CREBBP: variants seen among roughly 807,000 people sequenced by gnomAD.
The protein encoded by CREBBP is CREB-binding protein.
A neutral mutation model predicts 265.0 loss-of-function variants in CREBBP; 19 were observed. The observed-to-expected ratio is 0.07, with a 90% CI of 0.05 to 0.11. CREBBP has a LOEUF of 0.11. CREBBP is among the 10% of genes least tolerant of loss of function. CREBBP has a pLI of 1.00. For missense variants in CREBBP, 2,525 were observed against 3,219.0 expected (o/e 0.78, Z 5.22); for synonymous variants, 1,457 against 1,223.7 (o/e 1.19, Z -3.98).
chr16:3,769,365 C>T lies in CREBBP; in HGVS notation c.2881-12G>A, dbSNP rs2052942765. ...GCTGCCTGGGAAAGCTGTGAAAAAA[C>T]CGAAAGCACTGACTTCAGTAAGCAA... On this transcript the variant is annotated splice_polypyrimidine_tract_variant and intron_variant, in intron 14 of 30. Coordinates refer to ENST00000262367, the MANE Select transcript of CREBBP (RefSeq NM_004380.3). 1 of 1,614,144 alleles carries T rather than the reference C, an allele frequency of 6.2e-7. No homozygotes were observed. The highest frequency in any genetic ancestry group is 8.5e-7 in the Non-Finnish European group (1 of 1,180,024).
At chr16:3,740,843 A>C in intron 23 of CREBBP, 1 of 434,580 alleles carries the variant, frequency 2.3e-6, no homozygotes, top group Non-Finnish European at 4.3e-6. Context: ...CAAAATTGAC[A>C]GGGGCTCTAG....
chr16:3,825,265 T>C (rs1416708607), intron 2 of CREBBP, among the ~76,000 whole-genome samples: 2 of 152,194 alleles, frequency 1.3e-5, no homozygotes, highest in African/African-American at 4.8e-5. Flanking sequence ...TAGAAAAACA[T>C]GAAATGAATA....
chr16:3,777,819 G>C (rs901771930), intron 10 of CREBBP, 162 bp from the exon 11 acceptor site: 2 of 1,074,590 alleles, frequency 1.9e-6, no homozygotes, highest in African/African-American at 3.1e-5. Flanking sequence ...ACCCTGTAAA[G>C]GGCCTTCCCA....
At chr16:3,866,075 A>T (rs1393590346) in intron 1 of CREBBP, among the ~76,000 whole-genome samples, 1 of 152,250 alleles carries the variant, frequency 6.6e-6, no homozygotes, top group Non-Finnish European at 1.5e-5. Context: ...TGAGGATAAA[A>T]TGTGAAATGG....
At chr16:3,795,118 T>C (rs1216695934) in intron 3 of CREBBP, among the ~76,000 whole-genome samples, 1 of 152,200 alleles carries the variant, frequency 6.6e-6, no homozygotes, top group Non-Finnish European at 1.5e-5. Flanking sequence ...AGCAAAACTC[T>C]TGGAAGTCTG....
chr16:3,849,433 GTGTGTGTGTGTGTGTGTGTGTGTGT>G (rs2054755571), intron 2 of CREBBP, among the ~76,000 whole-genome samples: 8 of 14,332 alleles, frequency 5.6e-4, no homozygotes, highest in East Asian at 7.9e-3. Context: ...GTGTGTGTGT[GTGTGTGTGTGTGTGTGTGTGTGTGT>G]GTGTGTGTGT....
intron 2 of CREBBP, among the ~76,000 whole-genome samples, chr16:3,823,832 T>C (rs376964289): frequency 1.5e-4 from 23 of 152,258 alleles, no homozygotes; most frequent in African/African-American, 5.3e-4. Context: ...AGACAGTTCC[T>C]ATCGAGCAGC....
At chr16:3,815,649 G>T (rs1458636492) in intron 2 of CREBBP, among the ~76,000 whole-genome samples, 1 of 147,278 alleles carries the variant, frequency 6.8e-6, no homozygotes, top group African/African-American at 2.5e-5. Context: ...CTTTTAAAAA[G>T]TTTTTTCATT....
intron 13 of CREBBP, among the ~76,000 whole-genome samples, chr16:3,773,041 G>C (rs577901227): frequency 6.6e-6 from 1 of 151,650 alleles, no homozygotes; most frequent in Non-Finnish European, 1.5e-5. Context: ...AGCCGAGATT[G>C]TACCACTGCA....
intron 16 of CREBBP, among the ~76,000 whole-genome samples, chr16:3,764,885 A>G (rs565529514): frequency 2.6e-5 from 4 of 152,336 alleles, no homozygotes; most frequent in Admixed American, 2.6e-4. Flanking sequence ...ACCTGGCTGA[A>G]AAAATATTCT....
At chr16:3,855,903 T>C (rs1389253040) in intron 1 of CREBBP, among the ~76,000 whole-genome samples, 2 of 152,254 alleles carry the variant, frequency 1.3e-5, no homozygotes, top group Non-Finnish European at 2.9e-5. Flanking sequence ...CTCCAGGCTT[T>C]GTCCACCTGC....
chr16:3,750,991 G>T (rs2052459309), intron 20 of CREBBP, among the ~76,000 whole-genome samples: 1 of 152,172 alleles, frequency 6.6e-6, no homozygotes, highest in African/African-American at 2.4e-5. Context: ...GGAAGGCCAA[G>T]GCAGGAGGAC....
intron 2 of CREBBP, among the ~76,000 whole-genome samples, chr16:3,849,425 GTGT>G (rs2054747849): frequency 1.3e-3 from 14 of 10,582 alleles, no homozygotes; most frequent in Non-Finnish European, 2.7e-3. Context: ...GTGTGTGTGT[GTGT>G]GTGTGTGTGT....
intron 11 of CREBBP, among the ~76,000 whole-genome samples, 154 bp downstream of exon 11, chr16:3,777,459 T>C (rs1188689682): frequency 1.3e-5 from 2 of 152,184 alleles, no homozygotes; most frequent in Non-Finnish European, 2.9e-5. Context: ...AACATATCCA[T>C]ACTACCTGTA....
chr16:3,847,751 T>C (rs922373727), intron 2 of CREBBP, among the ~76,000 whole-genome samples: 3 of 152,158 alleles, frequency 2.0e-5, no homozygotes, highest in Non-Finnish European at 2.9e-5. Context: ...CCAGGATAAA[T>C]AGCAGACAAC....
At chr16:3,749,522 G>T in intron 21 of CREBBP, 105 bp downstream of exon 21, 2 of 750,284 alleles carry the variant, frequency 2.7e-6, no homozygotes, top group South Asian at 1.6e-5. Flanking sequence ...TTCCACTTAC[G>T]GCAACATATT....
intron 3 of CREBBP, among the ~76,000 whole-genome samples, chr16:3,800,582 C>G (rs770292751): frequency 6.6e-6 from 1 of 152,220 alleles, no homozygotes; most frequent in Middle Eastern, 3.4e-3. Context: ...TGGTGGTACA[C>G]CTGTAGTCCC....
chr16:3,768,830 A>G (rs1012165098), intron 15 of CREBBP, among the ~76,000 whole-genome samples: 3 of 152,250 alleles, frequency 2.0e-5, no homozygotes, highest in Admixed American at 1.3e-4. Flanking sequence ...AGCTTCTGCC[A>G]TAGGTTAATT....
At chr16:3,796,885 G>C (rs2053618510) in intron 3 of CREBBP, among the ~76,000 whole-genome samples, 1 of 152,226 alleles carries the variant, frequency 6.6e-6, no homozygotes, top group African/African-American at 2.4e-5. Context: ...TGAATCAACA[G>C]TGGAATGGAA....
Sources: gnomAD v4.1 joint callset for allele counts (sites outside exome capture counted in the v4.1 genomes callset) on GRCh38, gnomAD v4.1.1 for gene constraint, MANE v1.5 for transcripts, NCBI Gene and HGNC (gene_info 2026-07-23, HGNC 2026-07-21) for gene names.